Variants in COL25A1 observed in about 807,000 individuals in gnomAD.
COL25A1 encodes collagen alpha-1(XXV) chain.
Under a neutral mutation model 128.4 loss-of-function variants are expected in COL25A1, and 103 were observed. The ratio of observed to expected loss-of-function variants is 0.80; its 90% confidence interval spans 0.68 to 0.94. The LOEUF (loss-of-function observed/expected upper bound fraction) is 0.94, where lower values mean the gene tolerates loss of function less well. COL25A1 is among the 40% of genes least tolerant of loss of function. The probability of loss-of-function intolerance (pLI) is 0.00; values close to 1 mark genes in which losing one functional copy is unlikely to be tolerated. For synonymous variants in COL25A1, 279 were observed against 277.2 expected (o/e 1.01, Z -0.06); for missense variants, 745 against 840.0 (o/e 0.89, Z 1.40).
At chr4:108,939,860 A>T (rs1204187762) in intron 10 of COL25A1, among the ~76,000 whole-genome samples, 1 of 152,074 alleles carries the variant, frequency 6.6e-6, no homozygotes, top group African/African-American at 2.4e-5. Context: ...GCCTTTTACT[A>T]CTATATCATT....
chr4:108,995,233 T>C (rs1754648401), intron 6 of COL25A1, among the ~76,000 whole-genome samples: 1 of 152,174 alleles, frequency 6.6e-6, no homozygotes, highest in African/African-American at 2.4e-5. Context: ...AAAGGTTAGA[T>C]GAATGGCTAA....
In COL25A1 at chr4:109,125,797, A is replaced by G. The variant is rs560201335; in HGVS notation, c.368-75618T>C. ...CCACACTGGAAGCCCGAGGGAGCTG[A>G]TCAGATACAAACACAGAAAGAAAGA... On this transcript the variant is annotated intron_variant, in intron 3 of 37. Transcript: ENST00000399132. 9.8e-5 allele frequency among the ~76,000 whole-genome samples: 15 copies of G among 152,306 alleles called. No individual in the cohort carries two copies. The South Asian group carries it at 2.9e-3, about 29-fold the overall frequency.
chr4:108,975,594 T>C (rs1337196208), intron 6 of COL25A1, among the ~76,000 whole-genome samples: 1 of 152,206 alleles, frequency 6.6e-6, no homozygotes, highest in African/African-American at 2.4e-5. Flanking sequence ...GCCAAATGGT[T>C]TTTCAAAGTG....
intron 5 of COL25A1, among the ~76,000 whole-genome samples, chr4:109,016,666 A>G (rs1038974116): frequency 1.3e-5 from 2 of 152,040 alleles, no homozygotes; most frequent in African/African-American, 4.8e-5. Context: ...TGGGTCTTCT[A>G]TTTGTGGAGA....
chr4:109,184,834 G>A (rs552143423), intron 3 of COL25A1, among the ~76,000 whole-genome samples: 1 of 152,266 alleles, frequency 6.6e-6, no homozygotes, highest in South Asian at 2.1e-4. Context: ...CAGAGATGAG[G>A]AACTCACCAC....
At position 108,909,253 on chromosome 4, in the gene COL25A1, T is replaced by C. The variant is rs1743921100; in HGVS notation, c.781-8081A>G. ...TGGTTGAGTCTGGTATCTTTCACTG[T>C]CATAATTTCCTTAGTTATAATTTTG... On this transcript the variant is annotated intron_variant, in intron 13 of 37. Transcript: ENST00000399132. 4.6e-5 allele frequency among the ~76,000 whole-genome samples: 7 copies of C among 152,232 alleles called. No individual in the cohort carries two copies. In the South Asian group the frequency reaches 1.4e-3, roughly 31 times the overall value.
chr4:109,021,066 C>T (rs1163086162), intron 5 of COL25A1, among the ~76,000 whole-genome samples: 1 of 152,210 alleles, frequency 6.6e-6, no homozygotes, highest in Non-Finnish European at 1.5e-5. Flanking sequence ...AGCTCCCAGT[C>T]AGCCACTCAG....
At chr4:108,826,762 C>T (rs1732438631) in intron 33 of COL25A1, among the ~76,000 whole-genome samples, 1 of 152,122 alleles carries the variant, frequency 6.6e-6, no homozygotes, top group Admixed American at 6.5e-5. Context: ...TTCAGTGAAG[C>T]TTCCACAGCC....
rs917613849 is a variant in COL25A1 at position 109,048,242 on chromosome 4, T to C, written c.413-67A>G. The C allele has an allele frequency of 4.8e-6, 7 of 1,463,952 alleles. 1 individual carries two copies. In the Admixed American group the frequency reaches 1.0e-4, roughly 21 times the overall value. The allele number at this position is 1,463,952 out of a possible 1,614,324, so 90.7% of individuals were successfully genotyped here. ...TTAGTGAATATGCAAAATATTAAAA[T>C]CAAACAAAAGATATGAGCATAATCA... On this transcript the variant is annotated intron_variant, in intron 4 of 37. Transcript: ENST00000399132.
At chr4:108,963,776 G>T (rs1427382283) in intron 8 of COL25A1, among the ~76,000 whole-genome samples, 1 of 151,478 alleles carries the variant, frequency 6.6e-6, no homozygotes, top group Admixed American at 6.6e-5. Flanking sequence ...CCCAACAAAA[G>T]AAATATAAAT....
At chr4:109,126,724 C>T (rs1285429920) in intron 3 of COL25A1, among the ~76,000 whole-genome samples, 1 of 152,048 alleles carries the variant, frequency 6.6e-6, no homozygotes, top group Non-Finnish European at 1.5e-5. Context: ...CTTCACTTCC[C>T]TTTTACATTC....
intron 8 of COL25A1, among the ~76,000 whole-genome samples, chr4:108,965,280 T>G (rs1751162713): frequency 6.6e-6 from 1 of 152,224 alleles, no homozygotes; most frequent in African/African-American, 2.4e-5. Flanking sequence ...TTATTGAAAC[T>G]GTGAGAGCTT....
chr4:109,257,809 T>C (rs934777793), intron 3 of COL25A1, among the ~76,000 whole-genome samples: 2 of 152,066 alleles, frequency 1.3e-5, no homozygotes, highest in Admixed American at 6.6e-5. Context: ...TAGTCCCAGA[T>C]TGAGACTTCA....
chr4:108,845,268 A>G lies in COL25A1; in HGVS notation c.1516-17T>C, dbSNP rs756885004. On this transcript the variant is annotated splice_polypyrimidine_tract_variant and intron_variant, in intron 28 of 37. Coordinates refer to ENST00000399132, the MANE Select transcript of COL25A1 (RefSeq NM_198721.4). ...ATTGGCTCCCTATAAATAACCATTA[A>G]GCAGAGTTAAGCAGGTAAAGTTATT... The G allele has an allele frequency of 8.8e-6, 14 of 1,596,410 alleles. No homozygotes were observed. In the African/African-American group the frequency reaches 1.5e-4, roughly 17 times the overall value.
intron 3 of COL25A1, among the ~76,000 whole-genome samples, chr4:109,289,685 G>C (rs1320997279): frequency 5.3e-5 from 8 of 152,232 alleles, no homozygotes; most frequent in African/African-American, 1.9e-4. Flanking sequence ...TTCTATCCAT[G>C]CTAGAGAAAG....
intron 3 of COL25A1, among the ~76,000 whole-genome samples, chr4:109,244,479 G>C (rs562006604): frequency 2.0e-5 from 3 of 152,050 alleles, no homozygotes; most frequent in Non-Finnish European, 2.9e-5. Flanking sequence ...ACTTTGCAAA[G>C]TGAATAAAAA....
intron 6 of COL25A1, among the ~76,000 whole-genome samples, chr4:108,993,277 G>A (rs888958592): frequency 6.6e-6 from 1 of 152,110 alleles, no homozygotes; most frequent in Non-Finnish European, 1.5e-5. Flanking sequence ...ATGAGAACAC[G>A]AGGTATTTAT....
intron 3 of COL25A1, among the ~76,000 whole-genome samples, chr4:109,076,578 A>G (rs60381057): frequency 0.021 from 3,235 of 152,246 alleles, 75 homozygotes; most frequent in Middle Eastern, 0.11. Flanking sequence ...TTTGTAGAAG[A>G]GAATTTTTCC....
chr4:109,267,644 A>C (rs1319402908), intron 3 of COL25A1, among the ~76,000 whole-genome samples: 1 of 152,146 alleles, frequency 6.6e-6, no homozygotes, highest in Non-Finnish European at 1.5e-5. Context: ...TAATCCAAAA[A>C]TCTGAAATCT....
Sources: gnomAD v4.1 joint callset for allele counts (sites outside exome capture counted in the v4.1 genomes callset) on GRCh38, gnomAD v4.1.1 for gene constraint, MANE v1.5 for transcripts, NCBI Gene and HGNC (gene_info 2026-07-23, HGNC 2026-07-21) for gene names.